RBFOX1: variants seen among roughly 807,000 people sequenced by gnomAD.
RBFOX1 encodes the protein RNA binding fox-1 homolog 1.
Under a neutral mutation model 57.7 loss-of-function variants are expected in RBFOX1, and 8 were observed. That is an observed-to-expected ratio of 0.14 (90% CI 0.08 to 0.25). The LOEUF is 0.25. RBFOX1 is among the 10% of genes least tolerant of loss of function. The pLI is 1.00. For missense variants in RBFOX1, 611 were observed against 548.5 expected, an observed-to-expected ratio of 1.11 and a Z score of -1.14; for synonymous variants, 326 against 222.4, an observed-to-expected ratio of 1.47 and a Z score of -4.15.
intron 4 of RBFOX1, among the ~76,000 whole-genome samples, chr16:7,058,718 AT>A (rs1024109410): frequency 6.6e-6 from 1 of 152,090 alleles, no homozygotes; most frequent in Non-Finnish European, 1.5e-5. Flanking sequence ...ATATTAATGG[AT>A]TTTTTTCATT....
intron 2 of RBFOX1, among the ~76,000 whole-genome samples, chr16:5,532,431 G>A (rs1187008698): frequency 6.6e-6 from 1 of 152,174 alleles, no homozygotes; most frequent in South Asian, 2.1e-4. Flanking sequence ...CTCAGGCCCT[G>A]ACCCGGACTC....
At chr16:5,387,305 C>T (rs866418502) in intron 1 of RBFOX1, among the ~76,000 whole-genome samples, 2 of 152,278 alleles carry the variant, frequency 1.3e-5, no homozygotes, top group Non-Finnish European at 2.9e-5. Context: ...AATTCTTCCA[C>T]CCCCACCTGT....
At chr16:7,635,756 C>G (rs569092655) in intron 11 of RBFOX1, among the ~76,000 whole-genome samples, 35 of 152,190 alleles carry the variant, frequency 2.3e-4, no homozygotes, top group Non-Finnish European at 4.7e-4. Flanking sequence ...GTCAATTCAA[C>G]CATTCTCTAT....
At chr16:6,020,603 A>C (rs1009678207) in intron 1 of RBFOX1, among the ~76,000 whole-genome samples, 1 of 152,074 alleles carries the variant, frequency 6.6e-6, no homozygotes, top group Non-Finnish European at 1.5e-5. Context: ...GGAAACTCCT[A>C]CTGTGCCCCT....
intron 4 of RBFOX1, among the ~76,000 whole-genome samples, chr16:7,292,674 C>T (rs183016100): frequency 1.3e-5 from 2 of 151,656 alleles, no homozygotes; most frequent in African/African-American, 2.4e-5. Flanking sequence ...CATGTAAGAA[C>T]GCTACAATAC....
At chr16:7,342,925 C>T (rs938453959) in intron 4 of RBFOX1, among the ~76,000 whole-genome samples, 3 of 152,140 alleles carry the variant, frequency 2.0e-5, no homozygotes, top group Admixed American at 1.3e-4. Flanking sequence ...ACAAGAAACA[C>T]GTGAAGGAGA....
intron 4 of RBFOX1, among the ~76,000 whole-genome samples, chr16:7,178,759 A>G (rs2082138974): frequency 6.6e-6 from 1 of 152,178 alleles, no homozygotes; most frequent in South Asian, 2.1e-4. Context: ...TAAAAAGTCA[A>G]GCACATTATA....
chr16:6,951,728 C>A lies in RBFOX1; in HGVS notation c.-15-100329C>A, dbSNP rs150456139. On this transcript the variant is annotated intron_variant, in intron 3 of 15. Transcript: ENST00000550418. ...AGATTCAAGGAGAGACTCCACACTT[C>A]TCTCTTTTTTCTCTCTCTCTTTTGA... is the stretch of plus-strand genomic sequence containing the variant. Among the ~76,000 whole-genome samples, 845 of 152,218 alleles carry A rather than the reference C, an allele frequency of 5.6e-3. 7 individuals are homozygous for A. Among genetic ancestry groups the A allele is most frequent in the African/African-American group, 0.019 (787 of 41,558 alleles).
At chr16:6,055,310 T>C (rs994231118) in intron 1 of RBFOX1, among the ~76,000 whole-genome samples, 2 of 152,052 alleles carry the variant, frequency 1.3e-5, no homozygotes, top group African/African-American at 4.8e-5. Context: ...TGAACAGGCA[T>C]TGCTGGGCGC....
intron 3 of RBFOX1, among the ~76,000 whole-genome samples, chr16:6,833,489 C>T (rs1342670208): frequency 6.6e-6 from 1 of 152,254 alleles, no homozygotes; most frequent in Non-Finnish European, 1.5e-5. Flanking sequence ...TTAGCTCCCA[C>T]CTTCTCAGGG....
At chr16:6,963,396 T>A (rs2083425480) in intron 3 of RBFOX1, among the ~76,000 whole-genome samples, 1 of 152,010 alleles carries the variant, frequency 6.6e-6, no homozygotes, top group South Asian at 2.1e-4. Context: ...ACACACACAC[T>A]TGAAATAAAA....
intron 4 of RBFOX1, among the ~76,000 whole-genome samples, chr16:7,428,513 T>A (rs2098645744): frequency 7.1e-6 from 1 of 141,084 alleles, no homozygotes; most frequent in Admixed American, 7.0e-5. Flanking sequence ...ATTATTATTA[T>A]TATTATTATT....
intron 3 of RBFOX1, among the ~76,000 whole-genome samples, chr16:6,660,324 G>A (rs937416764): frequency 3.3e-5 from 5 of 152,010 alleles, no homozygotes; most frequent in African/African-American, 1.2e-4. Context: ...ATTGATAGGT[G>A]CAGCCAACCA....
At chr16:7,679,656 TTTGAAAAATA>T (rs1176621485) in intron 14 of RBFOX1, among the ~76,000 whole-genome samples, 1 of 152,080 alleles carries the variant, frequency 6.6e-6, no homozygotes, top group Non-Finnish European at 1.5e-5. Flanking sequence ...TTCAGGGATC[TTTGAAAAATA>T]TTGAACTCCA....
chr16:5,242,853 C>G (rs1258490285), intron 1 of RBFOX1, among the ~76,000 whole-genome samples: 1 of 151,978 alleles, frequency 6.6e-6, no homozygotes, highest in African/African-American at 2.4e-5. Flanking sequence ...AGGCTGTGCT[C>G]TTGTGGTTGG....
intron 3 of RBFOX1, among the ~76,000 whole-genome samples, chr16:6,812,713 C>G (rs558679128): frequency 1.3e-5 from 2 of 152,202 alleles, no homozygotes; most frequent in South Asian, 2.1e-4. Context: ...TGGTCTAAAT[C>G]TTTTAGGACA....
At chr16:5,649,703 A>G (rs2151357627) in intron 3 of RBFOX1, among the ~76,000 whole-genome samples, 1 of 152,306 alleles carries the variant, frequency 6.6e-6, no homozygotes, top group Non-Finnish European at 1.5e-5. Flanking sequence ...CGCACAAAGT[A>G]CTGCATGAAT....
Position 5,609,924 on chromosome 16 carries a change from C to A in RBFOX1, c.318+10963C>A, listed in dbSNP as rs565191782. ...GACATCAGCATAATTTGTACTCTTA[C>A]CCTCTTTGAGTTTTTATTCAAATAT... On this transcript the variant is annotated intron_variant, in intron 3 of 19. Transcript: ENST00000641259. 4.6e-5 allele frequency among the ~76,000 whole-genome samples: 7 copies of A among 152,242 alleles called. No individual in the cohort carries two copies. In the East Asian group the frequency reaches 1.2e-3, roughly 25 times the overall value.
intron 1 of RBFOX1, chr16:6,039,073 C>A (rs2095407667): frequency 6.7e-6 from 1 of 148,400 alleles, no homozygotes; most frequent in African/African-American, 2.5e-5. Context: ...CAGAAAGTTT[C>A]CACTCCCCAG....
Sources: gnomAD v4.1 joint callset for allele counts (sites outside exome capture counted in the v4.1 genomes callset) on GRCh38, gnomAD v4.1.1 for gene constraint, MANE v1.5 for transcripts, NCBI Gene and HGNC (gene_info 2026-07-23, HGNC 2026-07-21) for gene names.